SEC14L1: variants seen among roughly 807,000 people sequenced by gnomAD.
SEC14L1 encodes the protein SEC14-like protein 1.
In SEC14L1, 48 loss-of-function variants were observed where a neutral mutation model predicts 85.3. That is an observed-to-expected ratio of 0.56 (90% CI 0.45 to 0.72). The LOEUF (loss-of-function observed/expected upper bound fraction) is 0.72, where lower values mean the gene tolerates loss of function less well. SEC14L1 is among the 30% of genes least tolerant of loss of function. SEC14L1 has a pLI of 0.00. For missense variants in SEC14L1, 682 were observed against 921.4 expected, an observed-to-expected ratio of 0.74 and a Z score of 3.36; for synonymous variants, 391 against 355.5, an observed-to-expected ratio of 1.10 and a Z score of -1.12.
intron 3 of SEC14L1, among the ~76,000 whole-genome samples, chr17:77,188,161 A>G (rs1026793543): frequency 2.6e-5 from 4 of 152,212 alleles, no homozygotes; most frequent in East Asian, 1.9e-4. Context: ...TTCTTTACTC[A>G]TCTTCCCCCA....
chr17:77,146,605 T>G (rs1973321932), intron 3 of SEC14L1, among the ~76,000 whole-genome samples: 1 of 151,762 alleles, frequency 6.6e-6, no homozygotes, highest in Admixed American at 6.6e-5. Flanking sequence ...TTTCTTCTCC[T>G]TTTTTTTCTT....
intron 3 of SEC14L1, among the ~76,000 whole-genome samples, chr17:77,102,984 T>C (rs1485231389): frequency 6.6e-6 from 1 of 152,016 alleles, no homozygotes; most frequent in Non-Finnish European, 1.5e-5. Flanking sequence ...TTTTACTATT[T>C]TTTAGTAGAA....
intron 13 of SEC14L1, among the ~76,000 whole-genome samples, chr17:77,208,492 C>G (rs931212296): frequency 6.6e-6 from 1 of 152,196 alleles, no homozygotes; most frequent in Non-Finnish European, 1.5e-5. Context: ...TGCTGAGCGT[C>G]TTTGTGGTTA....
chr17:77,120,678 T>C (rs554103323), intron 3 of SEC14L1, among the ~76,000 whole-genome samples: 1 of 152,326 alleles, frequency 6.6e-6, no homozygotes, highest in South Asian at 2.1e-4. Context: ...GGTTTCACCC[T>C]GTTGTCCAGG....
chr17:77,128,171 C>G (rs1455457594), intron 3 of SEC14L1: 2 of 152,172 alleles, frequency 1.3e-5, no homozygotes, highest in East Asian at 3.9e-4. Flanking sequence ...CTTGTATACC[C>G]GGGGGTATGG....
chr17:77,184,759 T>G (rs551824011), intron 3 of SEC14L1, among the ~76,000 whole-genome samples: 1 of 152,348 alleles, frequency 6.6e-6, no homozygotes, highest in South Asian at 2.1e-4. Context: ...AACTGAGATG[T>G]CATTGCTTTT....
intron 2 of SEC14L1, chr17:77,089,573 T>C: frequency 4.3e-6 from 2 of 468,978 alleles, no homozygotes; most frequent in Non-Finnish European, 8.5e-6. Flanking sequence ...GTTACTGTCA[T>C]GTCTTTCATT....
At chr17:77,204,452 T>C (rs958330663) in intron 10 of SEC14L1, among the ~76,000 whole-genome samples, 3 of 150,858 alleles carry the variant, frequency 2.0e-5, no homozygotes, top group African/African-American at 7.3e-5. Context: ...ACTCCTGATC[T>C]CAGGTGATCC....
intron 3 of SEC14L1, among the ~76,000 whole-genome samples, chr17:77,158,246 G>A (rs1318018375): frequency 6.6e-6 from 1 of 152,186 alleles, no homozygotes; most frequent in Non-Finnish European, 1.5e-5. Flanking sequence ...TCGTTGTGCA[G>A]CCACCACCAC....
intron 3 of SEC14L1, among the ~76,000 whole-genome samples, chr17:77,150,779 TGC>T (rs1973520331): frequency 6.6e-6 from 1 of 152,204 alleles, no homozygotes; most frequent in African/African-American, 2.4e-5. Context: ...GGCAGCTAGC[TGC>T]GTTCAGAAAC....
chr17:77,168,429 C>A (rs1054733396), intron 3 of SEC14L1, among the ~76,000 whole-genome samples: 1 of 152,182 alleles, frequency 6.6e-6, no homozygotes, highest in Non-Finnish European at 1.5e-5. Flanking sequence ...TAAGTCCTTG[C>A]ATTAACCCAT....
Position 77,206,298 on chromosome 17 carries a change from G to A in SEC14L1, c.1239G>A (p.Ala413=), listed in dbSNP as rs150932576. 71 of 1,614,140 alleles carry A rather than the reference G, an allele frequency of 4.4e-5. No individual in the cohort carries two copies. Among genetic ancestry groups the A allele is most frequent in the Non-Finnish European group, 5.4e-5 (64 of 1,180,016 alleles). Residue 413 remains alanine, a synonymous_variant, in exon 12 of 17, where the codon GCG becomes GCA. Transcript: ENST00000436233. The surrounding 1 kb of genome is among the most constrained non-coding windows in gnomAD (Gnocchi z 4.3). ...MRHLWRPGVK[A]LLRIIEVVEA... ...ACTTGTGGAGACCTGGTGTGAAAGC[G>A]CTGCTGCGGATCATCGAGGTGGTGG...
intron 7 of SEC14L1, 71 bp downstream of exon 7, chr17:77,194,982 G>A (rs1401648456): frequency 3.6e-6 from 4 of 1,124,558 alleles, no homozygotes; most frequent in Non-Finnish European, 2.7e-6. Flanking sequence ...CTCTCTGTTT[G>A]CTCTGCCTGT....
At chr17:77,091,441 G>A (rs1309031507) in intron 2 of SEC14L1, among the ~76,000 whole-genome samples, 1 of 152,172 alleles carries the variant, frequency 6.6e-6, no homozygotes, top group Non-Finnish European at 1.5e-5. Flanking sequence ...AATTGCAAAA[G>A]AGCACTATGT....
upstream of SEC14L1, chr17:77,140,720 G>C (rs1301832273): frequency 6.6e-6 from 1 of 150,912 alleles, no homozygotes; most frequent in Admixed American, 6.6e-5. Context: ...CGAGGACCTC[G>C]GGCACATCCA....
intron 9 of SEC14L1, among the ~76,000 whole-genome samples, chr17:77,201,560 C>A (rs1976148137): frequency 1.3e-5 from 2 of 151,642 alleles, no homozygotes; most frequent in Non-Finnish European, 2.9e-5. Context: ...AAGCAATTCT[C>A]CCGCCTCAGC....
chr17:77,142,412 A>G (rs1222591006), intron 1 of SEC14L1, among the ~76,000 whole-genome samples: 1 of 151,858 alleles, frequency 6.6e-6, no homozygotes, highest in East Asian at 1.9e-4. Flanking sequence ...TTCTACAAAA[A>G]ATATATATGG....
intron 3 of SEC14L1, among the ~76,000 whole-genome samples, chr17:77,098,734 G>C (rs1971703269): frequency 6.6e-6 from 1 of 152,106 alleles, no homozygotes; most frequent in African/African-American, 2.4e-5. Context: ...CTCTCCTAGT[G>C]CCCACCTCAT....
intron 3 of SEC14L1, among the ~76,000 whole-genome samples, chr17:77,148,762 C>T (rs1481014553): frequency 2.0e-5 from 3 of 152,228 alleles, no homozygotes; most frequent in Non-Finnish European, 4.4e-5. Flanking sequence ...CCTTAGGTCA[C>T]TTTGTGCTCC....
Sources: allele counts gnomAD v4.1 joint callset (sites outside exome capture counted in the v4.1 genomes callset), GRCh38; gene constraint gnomAD v4.1.1; non-coding constraint Gnocchi (gnomAD v3.1); transcripts MANE v1.5; gene names NCBI Gene and HGNC (gene_info 2026-07-23, HGNC 2026-07-21).